Variants in GALNTL6 observed in about 807,000 individuals in gnomAD.
GALNTL6 encodes the protein polypeptide N-acetylgalactosaminyltransferase like 6.
Under a neutral mutation model 73.7 loss-of-function variants are expected in GALNTL6, and 46 were observed. The ratio of observed to expected loss-of-function variants is 0.62; its 90% CI spans 0.49 to 0.80. The LOEUF (loss-of-function observed/expected upper bound fraction) is 0.80, where lower values mean the gene tolerates loss of function less well. GALNTL6 is among the 30% of genes least tolerant of loss of function. The pLI is 0.00. For synonymous variants in GALNTL6, 259 were observed against 263.7 expected (o/e 0.98, Z 0.17); for missense variants, 604 against 755.0 (o/e 0.80, Z 2.34).
At chr4:172,825,709 C>CA (rs111318248) in intron 7 of GALNTL6, among the ~76,000 whole-genome samples, 2,681 of 150,748 alleles carry the variant, frequency 0.018, 68 homozygotes, top group African/African-American at 0.058. Context: ...TCACAAGCCA[C>CA]AAAAAAAAAG....
chr4:172,840,971 C>A (rs1743175039), intron 7 of GALNTL6, among the ~76,000 whole-genome samples: 2 of 152,184 alleles, frequency 1.3e-5, no homozygotes, highest in South Asian at 4.1e-4. Flanking sequence ...CTGGGGCCAG[C>A]AGTCCTTCAG....
intron 2 of GALNTL6, among the ~76,000 whole-genome samples, chr4:171,983,727 A>G (rs1342191442): frequency 6.6e-6 from 1 of 151,974 alleles, no homozygotes; most frequent in Non-Finnish European, 1.5e-5. Flanking sequence ...GGGACAATCA[A>G]TGAGGGGTGG....
chr4:172,094,981 C>T (rs1262570905), intron 2 of GALNTL6, among the ~76,000 whole-genome samples: 1 of 148,210 alleles, frequency 6.7e-6, no homozygotes, highest in African/African-American at 2.5e-5. Context: ...ATTTTCTGGA[C>T]CACTTCTCCC....
chr4:172,800,268 A>T (rs1740557460), intron 5 of GALNTL6, among the ~76,000 whole-genome samples: 1 of 152,202 alleles, frequency 6.6e-6, no homozygotes, highest in Non-Finnish European at 1.5e-5. Context: ...ATTTTACTGC[A>T]ATTTTTTTGA....
At chr4:172,616,434 T>C (rs1738733574) in intron 5 of GALNTL6, among the ~76,000 whole-genome samples, 1 of 152,136 alleles carries the variant, frequency 6.6e-6, no homozygotes. Flanking sequence ...GGTACACATT[T>C]GTTTCATGAT....
intron 10 of GALNTL6, among the ~76,000 whole-genome samples, chr4:172,954,192 A>G (rs1481501272): frequency 6.6e-6 from 1 of 152,228 alleles, no homozygotes; most frequent in Non-Finnish European, 1.5e-5. Flanking sequence ...GCAAACTGCA[A>G]CTGGTCACAT....
At chr4:172,422,959 T>A (rs944468374) in intron 5 of GALNTL6, among the ~76,000 whole-genome samples, 1 of 151,316 alleles carries the variant, frequency 6.6e-6, no homozygotes, top group African/African-American at 2.4e-5. Flanking sequence ...CAAATTGACT[T>A]CCTGTTGTCT....
chr4:172,074,180 C>T (rs1157608439), intron 2 of GALNTL6, among the ~76,000 whole-genome samples: 2 of 152,186 alleles, frequency 1.3e-5, no homozygotes, highest in East Asian at 3.8e-4. Context: ...TTGTTGACAA[C>T]TAATTGTAGA....
intron 5 of GALNTL6, among the ~76,000 whole-genome samples, chr4:172,574,939 T>TACAC (rs33997885): frequency 7.3e-5 from 11 of 150,264 alleles, no homozygotes; most frequent in East Asian, 2.0e-4. Context: ...CACGCACACA[T>TACAC]ACACACACAC....
chr4:172,301,126 A>G (rs1042061505), intron 3 of GALNTL6, among the ~76,000 whole-genome samples: 1 of 152,016 alleles, frequency 6.6e-6, no homozygotes, highest in Non-Finnish European at 1.5e-5. Flanking sequence ...TTGATCTTCC[A>G]TCACTGATAC....
intron 2 of GALNTL6, among the ~76,000 whole-genome samples, chr4:172,189,206 G>A (rs1359857739): frequency 6.6e-6 from 1 of 152,144 alleles, no homozygotes; most frequent in Non-Finnish European, 1.5e-5. Flanking sequence ...AAGGGAGGCA[G>A]CACTCCACAG....
At chr4:172,432,137 T>C (rs1185484510) in intron 5 of GALNTL6, among the ~76,000 whole-genome samples, 1 of 152,032 alleles carries the variant, frequency 6.6e-6, no homozygotes, top group Non-Finnish European at 1.5e-5. Context: ...AATAGAATTC[T>C]TGAGTCAGTA....
At chr4:171,971,415 T>C (rs528902249) in intron 2 of GALNTL6, among the ~76,000 whole-genome samples, 46 of 152,338 alleles carry the variant, frequency 3.0e-4, no homozygotes, top group African/African-American at 1.0e-3. Flanking sequence ...TTTTGAGGTG[T>C]GTGAACACAA....
intron 2 of GALNTL6, among the ~76,000 whole-genome samples, chr4:172,178,295 T>A (rs1223575126): frequency 2.0e-5 from 3 of 152,108 alleles, no homozygotes; most frequent in Non-Finnish European, 4.4e-5. Flanking sequence ...TTTTAAAAAA[T>A]TATTATTATA....
chr4:172,581,304 C>T (rs962214019), intron 5 of GALNTL6, among the ~76,000 whole-genome samples: 1 of 152,182 alleles, frequency 6.6e-6, no homozygotes, highest in African/African-American at 2.4e-5. Flanking sequence ...GTCCATTCTG[C>T]CTTGATGGAG....
chr4:172,948,441 C>G (rs1749276228), intron 9 of GALNTL6, among the ~76,000 whole-genome samples: 1 of 151,528 alleles, frequency 6.6e-6, no homozygotes, highest in African/African-American at 2.4e-5. Context: ...TTTCTTTTTG[C>G]TGTTGTTGTT....
chr4:171,976,343 G>A (rs9995741), intron 2 of GALNTL6, among the ~76,000 whole-genome samples: 3,740 of 152,302 alleles, frequency 0.025, 146 homozygotes, highest in African/African-American at 0.086. Flanking sequence ...AAGAATATGC[G>A]TTGAGGTCAA....
At chr4:172,141,707 A>G (rs1027146834) in intron 2 of GALNTL6, among the ~76,000 whole-genome samples, 30 of 151,992 alleles carry the variant, frequency 2.0e-4, no homozygotes, top group African/African-American at 7.2e-4. Context: ...GTGTCAGTTG[A>G]AATTGAAGAA....
At chr4:172,372,296 G>T (rs1742844963) in intron 5 of GALNTL6, among the ~76,000 whole-genome samples, 2 of 152,142 alleles carry the variant, frequency 1.3e-5, no homozygotes, top group South Asian at 4.1e-4. Flanking sequence ...AAAGTGGCAG[G>T]GTTGAGGGCC....
Sources: allele counts gnomAD v4.1 joint callset (sites outside exome capture counted in the v4.1 genomes callset), GRCh38; gene constraint gnomAD v4.1.1; transcripts MANE v1.5; gene names NCBI Gene and HGNC (gene_info 2026-07-23, HGNC 2026-07-21).